SIK3: variants seen among roughly 807,000 people sequenced by gnomAD.
SIK3 encodes SIK family kinase 3.
In SIK3, 28 loss-of-function variants were observed where a neutral mutation model predicts 144.2. The observed-to-expected ratio is 0.19, with a 90% CI of 0.14 to 0.27. The LOEUF is 0.27. SIK3 is among the 10% of genes least tolerant of loss of function. The pLI is 1.00. For missense variants in SIK3, 1,319 were observed against 1,776.0 expected (o/e 0.74, Z 4.62); for synonymous variants, 686 against 676.3 (o/e 1.01, Z -0.22).
intron 1 of SIK3, among the ~76,000 whole-genome samples, chr11:116,980,222 G>C (rs1164642023): frequency 6.6e-6 from 1 of 152,162 alleles, no homozygotes; most frequent in African/African-American, 2.4e-5. Flanking sequence ...AATATGCTCA[G>C]AACACTGATG....
intron 1 of SIK3, among the ~76,000 whole-genome samples, chr11:117,007,279 G>A (rs919817293): frequency 5.3e-5 from 8 of 152,202 alleles, no homozygotes; most frequent in Non-Finnish European, 8.8e-5. Flanking sequence ...TTGGGAGGCT[G>A]ATGTGAGACA....
At chr11:117,043,760 A>C (rs1053616634) in intron 1 of SIK3, among the ~76,000 whole-genome samples, 2 of 152,324 alleles carry the variant, frequency 1.3e-5, no homozygotes, top group East Asian at 3.9e-4. Context: ...CCTGGTTCTG[A>C]ACCTCAGTTA....
intron 1 of SIK3, among the ~76,000 whole-genome samples, chr11:117,029,735 T>A (rs1377880517): frequency 6.6e-6 from 1 of 152,096 alleles, no homozygotes; most frequent in East Asian, 1.9e-4. Context: ...ACTGGATGGG[T>A]CATACTGCCA....
chr11:117,075,415 A>G (rs1954467083), intron 1 of SIK3, among the ~76,000 whole-genome samples: 1 of 152,132 alleles, frequency 6.6e-6, no homozygotes, highest in Non-Finnish European at 1.5e-5. Flanking sequence ...CCTAAAACAA[A>G]TTACATTCCC....
intron 4 of SIK3, among the ~76,000 whole-genome samples, chr11:116,913,273 A>C (rs2134976597): frequency 6.6e-6 from 1 of 152,156 alleles, no homozygotes; most frequent in South Asian, 2.1e-4. Context: ...GCATATATAC[A>C]CAAGAGAAAA....
intron 6 of SIK3, among the ~76,000 whole-genome samples, chr11:116,887,738 G>A (rs17134988): frequency 0.087 from 13,211 of 152,196 alleles, 1,119 homozygotes; most frequent in African/African-American, 0.22. Flanking sequence ...TTTATGGAAG[G>A]TATTGAGTGT....
rs891387568 is a variant in SIK3 at position 116,868,201 on chromosome 11, C to T, written c.1809-112G>A. The T allele has an allele frequency of 4.5e-5, 61 of 1,369,810 alleles. 1 individual carries two copies. The South Asian group carries it at 5.0e-4, about 11-fold the overall frequency. The allele number at this position is 1,369,810 out of a possible 1,614,324, so 84.9% of individuals were successfully genotyped here. On this transcript the variant is annotated intron_variant, in intron 14 of 24. Coordinates refer to ENST00000445177, the MANE Select transcript of SIK3 (RefSeq NM_001366686.3). Reference sequence around the variant, plus strand: ...CTCAATGAAATAGTGCCAGAGCTCACGAAGGCTTGATGGCAAACAGATCCC... The same window carrying T: ...CTCAATGAAATAGTGCCAGAGCTCATGAAGGCTTGATGGCAAACAGATCCC...
In SIK3 at chr11:116,846,376, C is replaced by T. The variant is rs1224353437; in HGVS notation, c.*13+7G>A. ...GCTGGTTTGGCTCTGGCCAGGGTGA[C>T]ACTCACTCTCTGTTTCTTGTTACAC... On this transcript the variant is annotated splice_region_variant and intron_variant, in intron 24 of 24. Coordinates refer to ENST00000445177, the MANE Select transcript of SIK3 (RefSeq NM_001366686.3). This position sits in a 1 kb window ranked among gnomAD's most constrained non-coding sequence, Gnocchi z 4.1. 1 of 1,612,864 alleles carries T rather than the reference C, an allele frequency of 6.2e-7. No homozygotes were observed. Among genetic ancestry groups the T allele is most frequent in the East Asian group, 2.2e-5 (1 of 44,878 alleles).
intron 1 of SIK3, among the ~76,000 whole-genome samples, chr11:117,015,443 G>A (rs61905708): frequency 5.3e-5 from 8 of 151,820 alleles, no homozygotes; most frequent in South Asian, 2.1e-4. Flanking sequence ...ACAGAGTCTC[G>A]CTCTGTCACC....
intron 3 of SIK3, among the ~76,000 whole-genome samples, chr11:116,937,648 A>G (rs75572882): frequency 0.029 from 4,460 of 152,298 alleles, 191 homozygotes; most frequent in African/African-American, 0.1. Context: ...TCATATCAAA[A>G]AAGTGACTAT....
At chr11:116,983,220 C>T (rs1291589052) in intron 1 of SIK3, among the ~76,000 whole-genome samples, 7 of 115,258 alleles carry the variant, frequency 6.1e-5, no homozygotes, top group Non-Finnish European at 1.8e-5. Context: ...GAGCGAGACT[C>T]TGTCTCAAAA....
rs1378464318 is a variant in SIK3 at position 116,949,643 on chromosome 11, T to C, written c.454+4401A>G. On this transcript the variant is annotated intron_variant, in intron 3 of 24. Coordinates refer to ENST00000445177, the MANE Select transcript of SIK3 (RefSeq NM_001366686.3). ...TGTGCACCCAGCCAGTGATTTATTT[T>C]CATTCTAATCCCAGAGAAGCTCTTT... 2.6e-5 allele frequency among the ~76,000 whole-genome samples: 4 copies of C among 152,228 alleles called. No individual in the cohort carries two copies. The East Asian group carries it at 5.8e-4, about 22-fold the overall frequency.
intron 6 of SIK3, among the ~76,000 whole-genome samples, chr11:116,885,099 G>A (rs1036522325): frequency 6.6e-6 from 1 of 152,118 alleles, no homozygotes; most frequent in South Asian, 2.1e-4. Flanking sequence ...GCAAATTATT[G>A]TAATCAGAAT....
chr11:117,075,901 G>A (rs1290309034), intron 1 of SIK3, among the ~76,000 whole-genome samples: 2 of 131,470 alleles, frequency 1.5e-5, no homozygotes, highest in Admixed American at 1.7e-4. Flanking sequence ...CCAGGCTGGA[G>A]TGCAATGCAC....
chr11:117,055,917 T>A (rs1953495742), intron 1 of SIK3, among the ~76,000 whole-genome samples: 1 of 152,144 alleles, frequency 6.6e-6, no homozygotes, highest in Admixed American at 6.5e-5. Context: ...CAAATCCCCA[T>A]CAATGAACCT....
intron 3 of SIK3, among the ~76,000 whole-genome samples, chr11:116,949,016 C>CAAAT (rs139552563): frequency 0.073 from 11,058 of 152,006 alleles, 479 homozygotes; most frequent in African/African-American, 0.11. Context: ...AATAATGAAA[C>CAAAT]AAGACATCAA....
At chr11:117,077,292 A>C (rs971103027) in intron 1 of SIK3, among the ~76,000 whole-genome samples, 3 of 152,182 alleles carry the variant, frequency 2.0e-5, no homozygotes, top group African/African-American at 7.2e-5. Context: ...ATGAAGCAGC[A>C]CTTTGTTGAC....
chr11:117,012,467 G>A (rs1951303609), intron 1 of SIK3, among the ~76,000 whole-genome samples: 1 of 152,112 alleles, frequency 6.6e-6, no homozygotes, highest in South Asian at 2.1e-4. Flanking sequence ...GTTTGAAGAA[G>A]GCTTTCCATA....
rs1418121634 is a variant in SIK3, at chr11:116,846,357, T to C, written c.*13+26A>G. The C allele has an allele frequency of 1.2e-6, 2 of 1,607,190 alleles. No homozygotes were observed. The highest frequency in any genetic ancestry group is 1.7e-6 in the Non-Finnish European group (2 of 1,176,282). ...GCAGGCACTGGGCCACAGGGCTGGT[T>C]TGGCTCTGGCCAGGGTGACACTCAC... is the stretch of plus-strand genomic sequence containing the variant. On this transcript the variant is annotated intron_variant, in intron 24 of 24. Coordinates refer to ENST00000445177, the MANE Select transcript of SIK3 (RefSeq NM_001366686.3). This position sits in a 1 kb window ranked among gnomAD's most constrained non-coding sequence, Gnocchi z 4.1.
Sources: allele counts gnomAD v4.1 joint callset (sites outside exome capture counted in the v4.1 genomes callset), GRCh38; gene constraint gnomAD v4.1.1; non-coding constraint Gnocchi (gnomAD v3.1); transcripts MANE v1.5; gene names NCBI Gene and HGNC (gene_info 2026-07-23, HGNC 2026-07-21).